Variants in FRMD4A observed in about 807,000 individuals in gnomAD.
FRMD4A encodes FERM domain containing 4A, also known as FERM domain-containing protein 4A.
FRMD4A carries 29 observed loss-of-function variants against 129.1 expected under a neutral mutation model. The ratio of observed to expected loss-of-function variants is 0.22; its 90% CI spans 0.17 to 0.31. The LOEUF (loss-of-function observed/expected upper bound fraction) is 0.31, where lower values mean the gene tolerates loss of function less well. FRMD4A is among the 10% of genes least tolerant of loss of function. FRMD4A has a pLI of 1.00. For missense variants in FRMD4A, 1,272 were observed against 1,375.8 expected (o/e 0.92, Z 1.19); for synonymous variants, 634 against 571.6 (o/e 1.11, Z -1.56).
At chr10:14,182,530 G>C (rs1010062857) in intron 2 of FRMD4A, among the ~76,000 whole-genome samples, 3 of 152,212 alleles carry the variant, frequency 2.0e-5, no homozygotes, top group Non-Finnish European at 4.4e-5. Context: ...CTGGACAACA[G>C]AGCAAGAGAA....
At chr10:13,914,306 G>A (rs530404347) in intron 2 of FRMD4A, among the ~76,000 whole-genome samples, 16 of 152,138 alleles carry the variant, frequency 1.1e-4, no homozygotes, top group South Asian at 2.1e-4. Flanking sequence ...CATATACAAG[G>A]AATGTCAATT....
At chr10:14,045,380 A>G (rs1833945207) in intron 2 of FRMD4A, among the ~76,000 whole-genome samples, 1 of 152,108 alleles carries the variant, frequency 6.6e-6, no homozygotes, top group African/African-American at 2.4e-5. Flanking sequence ...GTCTTCATGA[A>G]GCTTTCCCTA....
chr10:14,040,392 T>C (rs955422413), intron 2 of FRMD4A, among the ~76,000 whole-genome samples: 5 of 152,108 alleles, frequency 3.3e-5, no homozygotes, highest in African/African-American at 1.2e-4. Context: ...TGGAAAATGT[T>C]TGGTATTCAT....
chr10:13,967,315 C>G (rs1488546281), intron 2 of FRMD4A, among the ~76,000 whole-genome samples: 1 of 151,260 alleles, frequency 6.6e-6, no homozygotes, highest in Non-Finnish European at 1.5e-5. Context: ...CCAGCCTGGG[C>G]GACAGAGCGA....
intron 2 of FRMD4A, among the ~76,000 whole-genome samples, chr10:13,963,309 A>G (rs1009290230): frequency 6.7e-6 from 1 of 148,266 alleles, no homozygotes; most frequent in Non-Finnish European, 1.5e-5. Context: ...TATGTTGTAG[A>G]TAATCAGAGA....
chr10:14,259,388 T>C (rs116078224), intron 2 of FRMD4A, among the ~76,000 whole-genome samples: 2,387 of 152,246 alleles, frequency 0.016, 63 homozygotes, highest in African/African-American at 0.054. Flanking sequence ...AAATAAATAT[T>C]ATTTAAACCA....
chr10:13,714,114 C>T (rs1472037232), intron 12 of FRMD4A, among the ~76,000 whole-genome samples: 6 of 138,496 alleles, frequency 4.3e-5, no homozygotes, highest in African/African-American at 8.1e-5. Context: ...GGCTGGAGTG[C>T]AGTGGCACGT....
intron 9 of FRMD4A, among the ~76,000 whole-genome samples, chr10:13,745,727 G>T (rs2091255902): frequency 6.6e-6 from 1 of 152,156 alleles, no homozygotes; most frequent in African/African-American, 2.4e-5. Flanking sequence ...ATGAAGGGAT[G>T]ACTAAGAGAC....
chr10:14,034,592 G>T (rs1316729408), intron 2 of FRMD4A, among the ~76,000 whole-genome samples: 2 of 150,992 alleles, frequency 1.3e-5, no homozygotes, highest in East Asian at 3.9e-4. Flanking sequence ...CATGAGAGAT[G>T]ATCAGATCTG....
At chr10:14,093,315 C>T (rs1459305797) in intron 2 of FRMD4A, among the ~76,000 whole-genome samples, 1 of 152,156 alleles carries the variant, frequency 6.6e-6, no homozygotes, top group Non-Finnish European at 1.5e-5. Context: ...ATTTTAGTGT[C>T]TTTTAATAAA....
intron 2 of FRMD4A, among the ~76,000 whole-genome samples, chr10:13,889,025 C>G (rs916339270): frequency 6.6e-6 from 1 of 152,194 alleles, no homozygotes; most frequent in Non-Finnish European, 1.5e-5. Context: ...TTGCTGGACA[C>G]GTGAATTGAA....
intron 19 of FRMD4A, 25 bp downstream of exon 19, chr10:13,663,428 G>A: frequency 8.0e-7 from 1 of 1,246,284 alleles, no homozygotes; most frequent in Non-Finnish European, 1.2e-6. Context: ...CTGTAGGTTT[G>A]TAAGCAGGAA....
At chr10:14,083,466 G>C (rs1588936349) in intron 2 of FRMD4A, 1 of 152,510 alleles carries the variant, frequency 6.6e-6, no homozygotes, top group Admixed American at 6.5e-5. Context: ...GAGGGAGGGA[G>C]GGTGGAGTGT....
At position 13,920,465 on chromosome 10, in the gene FRMD4A, T is replaced by C. The variant is rs113039556; in HGVS notation, c.46-61553A>G. 4.0e-3 allele frequency among the ~76,000 whole-genome samples: 615 copies of C among 152,326 alleles called. 7 individuals carry two copies. Among genetic ancestry groups the C allele is most frequent in the African/African-American group, 0.014 (586 of 41,568 alleles). Reference sequence around the variant, plus strand: ...TAAATACTTTCATCCAGAATGCAGATTTTTAAGGTGATTATAGGAATTCTT... The same window carrying C: ...TAAATACTTTCATCCAGAATGCAGACTTTTAAGGTGATTATAGGAATTCTT... On this transcript the variant is annotated intron_variant, in intron 2 of 24. Transcript: ENST00000357447.
chr10:14,083,945 T>C (rs1357287806), intron 2 of FRMD4A: 1 of 152,170 alleles, frequency 6.6e-6, no homozygotes, highest in Non-Finnish European at 1.5e-5. Flanking sequence ...ATTCAAGCCC[T>C]GGAGTGAATA....
At chr10:13,902,170 C>T (rs2094827155) in intron 2 of FRMD4A, among the ~76,000 whole-genome samples, 1 of 152,056 alleles carries the variant, frequency 6.6e-6, no homozygotes, top group Non-Finnish European at 1.5e-5. Context: ...GCATGTACCA[C>T]TATACCTGGC....
At chr10:13,836,706 G>A (rs2093879586) in intron 3 of FRMD4A, among the ~76,000 whole-genome samples, 1 of 151,670 alleles carries the variant, frequency 6.6e-6, no homozygotes, top group Non-Finnish European at 1.5e-5. Context: ...AGGAGGGCCT[G>A]GAAAGACTGA....
chr10:13,885,200 C>T (rs894444845), intron 2 of FRMD4A, among the ~76,000 whole-genome samples: 1 of 152,220 alleles, frequency 6.6e-6, no homozygotes, highest in African/African-American at 2.4e-5. Flanking sequence ...GCCTGGGAAA[C>T]ATAGCAAGAT....
chr10:14,092,758 G>C (rs1836731140), intron 2 of FRMD4A, among the ~76,000 whole-genome samples: 1 of 152,218 alleles, frequency 6.6e-6, no homozygotes, highest in Admixed American at 6.5e-5. Context: ...GAGGGAGTCT[G>C]TCATCAAATA....
Sources: allele counts gnomAD v4.1 joint callset (sites outside exome capture counted in the v4.1 genomes callset), GRCh38; gene constraint gnomAD v4.1.1; transcripts MANE v1.5; gene names NCBI Gene and HGNC (gene_info 2026-07-23, HGNC 2026-07-21).